The following UGT2B4 variants were observed in gnomAD, a reference collection of about 807,000 sequenced individuals.
The protein encoded by UGT2B4 is UDP-glucuronosyltransferase 2B4.
In UGT2B4, 49 loss-of-function variants were observed where a neutral mutation model predicts 49.8. The ratio of observed to expected loss-of-function variants is 0.98; its 90% CI spans 0.78 to 1.25. The LOEUF is 1.25. Ranked by LOEUF, UGT2B4 falls within the 50% of genes most tolerant of loss-of-function variation. UGT2B4 has a pLI of 0.00. For synonymous variants in UGT2B4, 246 were observed against 217.7 expected, an observed-to-expected ratio of 1.13 and a Z score of -1.14; for missense variants, 729 against 627.7, an observed-to-expected ratio of 1.16 and a Z score of -1.73.
At position 69,495,420 on chromosome 4, in the gene UGT2B4, C is replaced by A. The variant is rs201663926; in HGVS notation, c.442G>T (p.Val148Phe). 1.4e-5 allele frequency: 22 copies of A among 1,613,866 alleles called. No homozygotes were observed. In the African/African-American group the frequency reaches 1.5e-4, roughly 11 times the overall value. Residue 148 changes from valine (V) to phenylalanine (F), a missense_variant, in exon 1 of 6, where the codon GTT (valine) becomes TTT (phenylalanine). Coordinates refer to ENST00000305107, the MANE Select transcript of UGT2B4 (RefSeq NM_021139.3). ...AAGGGGAAAACAGCATCTGCAAGAA[C>A]AACATCAAATCTTGACTCCTGTAGT... ...KKLQESRFDVVLADAVFPFGE... is the reference protein window; with the variant it reads ...KKLQESRFDVFLADAVFPFGE...
Position 69,480,780 on chromosome 4 carries a change from G to C in UGT2B4, c.1441C>G (p.His481Asp). Residue 481 changes from histidine to aspartate, a missense_variant, in exon 6 of 6, where the codon CAC (histidine) becomes GAC (aspartate). Physicochemically the swap from His to Asp is moderately conservative, Grantham distance 81 (BLOSUM62 -1). Transcript: ENST00000305107. ...TGGTACTGGAACCAGGTGAGGTCGT[G>C]GGCTGCAACCCGAAGGTGCTTGGCT... ...KGAKHLRVAA[H>D]DLTWFQYHSL... is the part of the protein sequence containing the mutation. 1 of 1,613,928 alleles carries C rather than the reference G, an allele frequency of 6.2e-7. No homozygotes were observed. The highest frequency in any genetic ancestry group is 1.1e-5 in the South Asian group (1 of 91,070).
At chr4:69,483,477 C>T (rs1285826285) in intron 5 of UGT2B4, among the ~76,000 whole-genome samples, 1 of 152,066 alleles carries the variant, frequency 6.6e-6, no homozygotes, top group Non-Finnish European at 1.5e-5. Context: ...TCTTATTTTT[C>T]AGGTCAGTTT....
intron 2 of UGT2B4, among the ~76,000 whole-genome samples, chr4:69,490,286 G>A (rs1220266515): frequency 6.6e-6 from 1 of 152,048 alleles, no homozygotes; most frequent in Non-Finnish European, 1.5e-5. Flanking sequence ...TAGTTACATA[G>A]TCGAATGATT....
At chr4:69,506,621 A>T (rs1239889967) in intron 1 of UGT2B4, among the ~76,000 whole-genome samples, 1 of 151,486 alleles carries the variant, frequency 6.6e-6, no homozygotes, top group Non-Finnish European at 1.5e-5. Flanking sequence ...AGATAGATTC[A>T]CAGCTAAATG....
At chr4:69,515,484 C>A (rs183941210) in intron 1 of UGT2B4, among the ~76,000 whole-genome samples, 3 of 152,112 alleles carry the variant, frequency 2.0e-5, no homozygotes, top group African/African-American at 7.2e-5. Context: ...GGACAATGCA[C>A]CAGAATCTCT....
At chr4:69,513,462 T>C (rs1173800451) in intron 1 of UGT2B4, among the ~76,000 whole-genome samples, 1 of 152,212 alleles carries the variant, frequency 6.6e-6, no homozygotes, top group African/African-American at 2.4e-5. Flanking sequence ...CTTGTACCAG[T>C]ACAATGCTGT....
intron 5 of UGT2B4, among the ~76,000 whole-genome samples, chr4:69,484,858 G>T (rs1393845471): frequency 3.3e-5 from 5 of 152,090 alleles, no homozygotes; most frequent in African/African-American, 1.2e-4. Context: ...TATACTTTGA[G>T]ACATTTTAGA....
intron 1 of UGT2B4, among the ~76,000 whole-genome samples, chr4:69,512,135 A>T (rs1411692405): frequency 6.6e-6 from 1 of 150,664 alleles, no homozygotes; most frequent in Non-Finnish European, 1.5e-5. Context: ...ATTCTTAATT[A>T]CATGTATTTC....
chr4:69,502,369 C>A (rs945080628), intron 1 of UGT2B4, among the ~76,000 whole-genome samples: 1 of 151,630 alleles, frequency 6.6e-6, no homozygotes, highest in South Asian at 2.1e-4. Context: ...TTAGACCTCC[C>A]AACTGGGGTC....
At chr4:69,505,298 G>A (rs1728439370) in intron 1 of UGT2B4, among the ~76,000 whole-genome samples, 1 of 151,900 alleles carries the variant, frequency 6.6e-6, no homozygotes, top group African/African-American at 2.4e-5. Flanking sequence ...AAAGAACCAA[G>A]ACCCATTGGT....
chr4:69,520,403 T>A (rs1728821178), intron 1 of UGT2B4, among the ~76,000 whole-genome samples: 1 of 152,190 alleles, frequency 6.6e-6, no homozygotes, highest in Non-Finnish European at 1.5e-5. Flanking sequence ...AGGAGCCCCA[T>A]CCTTTTCTGA....
At chr4:69,512,660 A>G (rs1265107648) in intron 1 of UGT2B4, among the ~76,000 whole-genome samples, 4 of 152,162 alleles carry the variant, frequency 2.6e-5, no homozygotes, top group Admixed American at 2.0e-4. Context: ...GAAGTAATTT[A>G]TACTCCAACC....
At chr4:69,514,100 T>A (rs1420370997) in intron 1 of UGT2B4, among the ~76,000 whole-genome samples, 4 of 152,196 alleles carry the variant, frequency 2.6e-5, no homozygotes, top group South Asian at 2.1e-4. Context: ...ATGCTTTTTT[T>A]AAATTATACT....
intron 1 of UGT2B4, among the ~76,000 whole-genome samples, chr4:69,516,641 C>G (rs188324830): frequency 5.8e-4 from 88 of 152,150 alleles, no homozygotes; most frequent in African/African-American, 2.0e-3. Context: ...GGGTCTTGCT[C>G]TGTTGCCCAG....
chr4:69,515,006 G>A (rs1405356028), intron 1 of UGT2B4, among the ~76,000 whole-genome samples: 1 of 152,158 alleles, frequency 6.6e-6, no homozygotes, highest in Non-Finnish European at 1.5e-5. Context: ...CAACACAGGA[G>A]CACCCAGATT....
chr4:69,480,336 A>T lies in UGT2B4; in HGVS notation c.*298T>A, dbSNP rs190759600. On this transcript the variant is annotated 3_prime_UTR_variant, in exon 6 of 6. Transcript: ENST00000305107. The stretch of plus-strand genomic sequence containing the variant: ...TGTGACATGTAGTTAAGCTTAGTAA[A>T]TTTTTTTTCATGTAACCTGTGAATT... 2.8e-5 allele frequency: 8 copies of T among 289,580 alleles called. 1 individual carries two copies. The highest frequency in any genetic ancestry group is 1.5e-4 in the African/African-American group (7 of 46,072). 17.9% of individuals were successfully genotyped at this position (289,580 alleles called of 1,614,324 possible).
At chr4:69,519,481 C>T (rs1728800663) in intron 1 of UGT2B4, among the ~76,000 whole-genome samples, 1 of 152,130 alleles carries the variant, frequency 6.6e-6, no homozygotes, top group African/African-American at 2.4e-5. Context: ...AGCATTCCTC[C>T]ATCTACTCAG....
intron 1 of UGT2B4, among the ~76,000 whole-genome samples, chr4:69,502,159 C>CTTTCTTTCTTTCTTTCTTTCTCTTTCT (rs1428110272): frequency 8.4e-6 from 1 of 118,728 alleles, no homozygotes; most frequent in African/African-American, 3.3e-5. Context: ...CTCTTTCTTT[C>CTTTCTTTCTTTCTTTCTTTCTCTTTCT]TTTCTTCTTT....
rs576286822 is a variant in UGT2B4, at chr4:69,486,055, C to T, written c.1090+554G>A. Among the ~76,000 whole-genome samples, 3 of 152,220 alleles carry T rather than the reference C, an allele frequency of 2.0e-5. No individual in the cohort carries two copies. The South Asian group carries it at 6.2e-4, about 32-fold the overall frequency. ...GGATTGCAGGCGTGAGCCACCGTGCCCAGCCAGAATGTGTTCTCTTAAGTA... is the reference window on the plus strand; with the variant it reads ...GGATTGCAGGCGTGAGCCACCGTGCTCAGCCAGAATGTGTTCTCTTAAGTA... On this transcript the variant is annotated intron_variant, in intron 4 of 5. Transcript: ENST00000305107.
Sources: gnomAD v4.1 joint callset for allele counts (sites outside exome capture counted in the v4.1 genomes callset) on GRCh38, gnomAD v4.1.1 for gene constraint, MANE v1.5 for transcripts, NCBI Gene and HGNC (gene_info 2026-07-23, HGNC 2026-07-21) for gene names.